The following PCBD2 variants were observed in gnomAD, a reference collection of about 807,000 sequenced individuals.
PCBD2 encodes pterin-4 alpha-carbinolamine dehydratase 2, also known as pterin-4-alpha-carbinolamine dehydratase 2.
PCBD2 carries 12 observed loss-of-function variants against 16.4 expected under a neutral mutation model. The observed-to-expected ratio is 0.73, with a 90% CI of 0.47 to 1.19. The LOEUF is 1.19. Ranked by LOEUF, PCBD2 falls within the 50% of genes most tolerant of loss-of-function variation. The pLI is 0.00. For missense variants in PCBD2, 138 were observed against 156.8 expected (o/e 0.88, Z 0.64); for synonymous variants, 58 against 61.8 (o/e 0.94, Z 0.29).
intron 2 of PCBD2, among the ~76,000 whole-genome samples, chr5:134,920,389 T>C (rs1750888498): frequency 6.6e-6 from 1 of 152,208 alleles, no homozygotes; most frequent in South Asian, 2.1e-4. Context: ...TTTTTTGATT[T>C]TGTTGTTTTA....
intron 2 of PCBD2, among the ~76,000 whole-genome samples, chr5:134,919,848 A>C (rs1750881442): frequency 6.6e-6 from 1 of 152,168 alleles, no homozygotes; most frequent in Non-Finnish European, 1.5e-5. Context: ...TGCCATTATC[A>C]ATAGCTTTCG....
chr5:134,916,774 A>G (rs972376983), intron 2 of PCBD2, among the ~76,000 whole-genome samples: 2 of 152,242 alleles, frequency 1.3e-5, no homozygotes, highest in Middle Eastern at 3.2e-3. Context: ...TGAAGTAGCC[A>G]TAGGTGTCAG....
chr5:134,951,891 T>TTA (rs1284618129), intron 2 of PCBD2, among the ~76,000 whole-genome samples: 1 of 152,158 alleles, frequency 6.6e-6, no homozygotes, highest in African/African-American at 2.4e-5. Flanking sequence ...AATTTGTTGT[T>TTA]TATCTTTTGC....
At chr5:134,956,178 T>C (rs1446851904) in intron 2 of PCBD2, among the ~76,000 whole-genome samples, 2 of 152,214 alleles carry the variant, frequency 1.3e-5, no homozygotes, top group African/African-American at 2.4e-5. Flanking sequence ...GTGTAAATGG[T>C]TTATCAGGCT....
chr5:134,930,960 C>A (rs1339968823), intron 2 of PCBD2, among the ~76,000 whole-genome samples: 1 of 152,016 alleles, frequency 6.6e-6, no homozygotes, highest in South Asian at 2.1e-4. Context: ...CTCTGTTGCC[C>A]ACGCTGGAAT....
intron 2 of PCBD2, chr5:134,928,509 A>C: frequency 3.4e-6 from 1 of 295,716 alleles, no homozygotes. Context: ...TGTAGGGCTC[A>C]TGGCAAGGGT....
At chr5:134,922,196 G>T (rs1383237767) in intron 2 of PCBD2, among the ~76,000 whole-genome samples, 2 of 152,090 alleles carry the variant, frequency 1.3e-5, no homozygotes, top group Non-Finnish European at 2.9e-5. Context: ...CAGTTCAGTG[G>T]TTTTTTTGTT....
chr5:134,927,755 G>A, intron 2 of PCBD2: 1 of 398,118 alleles, frequency 2.5e-6, no homozygotes, highest in South Asian at 1.3e-4. Flanking sequence ...TAGAGAGGTA[G>A]AGTTTTTTTC....
intron 2 of PCBD2, among the ~76,000 whole-genome samples, chr5:134,952,798 CCT>C (rs756003670): frequency 1.1e-4 from 16 of 150,258 alleles, no homozygotes; most frequent in Non-Finnish European, 2.1e-4. Context: ...AGAGCGAGAC[CCT>C]GTCTCTTAAA....
chr5:134,913,014 C>T (rs894509679), intron 2 of PCBD2, among the ~76,000 whole-genome samples: 1 of 152,188 alleles, frequency 6.6e-6, no homozygotes, highest in African/African-American at 2.4e-5. Context: ...TCTCTGTTCT[C>T]TTCTGGTCTT....
chr5:134,912,458 A>G (rs1040400766), intron 2 of PCBD2, among the ~76,000 whole-genome samples: 5 of 152,170 alleles, frequency 3.3e-5, no homozygotes, highest in African/African-American at 9.7e-5. Flanking sequence ...GTGAGCCCAT[A>G]TAGGATTTGG....
At chr5:134,947,156 G>A (rs993644238) in intron 2 of PCBD2, among the ~76,000 whole-genome samples, 4 of 150,756 alleles carry the variant, frequency 2.7e-5, no homozygotes, top group African/African-American at 4.9e-5. Flanking sequence ...GCCATAGTGC[G>A]ATAATGGCTC....
At chr5:134,943,652 C>T (rs17167710) in intron 2 of PCBD2, among the ~76,000 whole-genome samples, 10,053 of 152,162 alleles carry the variant, frequency 0.066, 533 homozygotes, top group East Asian at 0.21. Flanking sequence ...GTACAGAGAC[C>T]CACAAGAGAC....
chr5:134,913,841 G>A (rs1750797333), intron 2 of PCBD2, among the ~76,000 whole-genome samples: 1 of 152,138 alleles, frequency 6.6e-6, no homozygotes, highest in Non-Finnish European at 1.5e-5. Context: ...TGTGTGATAG[G>A]GGAGGGTCAA....
chr5:134,913,895 G>A (rs1480490915), intron 2 of PCBD2, among the ~76,000 whole-genome samples: 2 of 152,200 alleles, frequency 1.3e-5, no homozygotes, highest in Non-Finnish European at 2.9e-5. Context: ...GTAAAGGGTA[G>A]TGCCACTGGA....
intron 2 of PCBD2, chr5:134,927,149 G>A (rs151084495): frequency 5.0e-6 from 2 of 398,410 alleles, no homozygotes; most frequent in African/African-American, 2.1e-5. Flanking sequence ...CTGTTACTAC[G>A]AGGGCTATGT....
chr5:134,906,538 C>G (rs1750693128), intron 1 of PCBD2, among the ~76,000 whole-genome samples: 2 of 152,102 alleles, frequency 1.3e-5, no homozygotes, highest in African/African-American at 4.8e-5. Context: ...TTCTTGTCCA[C>G]GAAGGGGAGA....
intron 2 of PCBD2, among the ~76,000 whole-genome samples, chr5:134,956,454 C>G (rs1751415973): frequency 1.3e-5 from 2 of 152,120 alleles, no homozygotes; most frequent in African/African-American, 4.8e-5. Flanking sequence ...CTTCTGTGTT[C>G]CGATCATCCA....
chr5:134,934,083 G>T (rs939189395), intron 2 of PCBD2, among the ~76,000 whole-genome samples: 1 of 152,082 alleles, frequency 6.6e-6, no homozygotes, highest in Non-Finnish European at 1.5e-5. Flanking sequence ...TAGTTCTGTG[G>T]CAAATGATGG....
Sources: allele counts gnomAD v4.1 joint callset (sites outside exome capture counted in the v4.1 genomes callset), GRCh38; gene constraint gnomAD v4.1.1; transcripts MANE v1.5; gene names NCBI Gene and HGNC (gene_info 2026-07-23, HGNC 2026-07-21).